Variants in CAB39 observed in about 807,000 individuals in gnomAD.
CAB39 encodes calcium-binding protein 39.
Under a neutral mutation model 40.0 loss-of-function variants are expected in CAB39, and 8 were observed. The ratio of observed to expected loss-of-function variants is 0.20; its 90% CI spans 0.12 to 0.36. CAB39 has a LOEUF of 0.36. CAB39 is among the 10% of genes least tolerant of loss of function. The pLI, the probability that CAB39 is intolerant of heterozygous loss-of-function variation, is 1.00. For synonymous variants in CAB39, 156 were observed against 141.6 expected, an observed-to-expected ratio of 1.10 and a Z score of -0.72; for missense variants, 270 against 401.1, an observed-to-expected ratio of 0.67 and a Z score of 2.79.
intron 1 of CAB39, chr2:230,725,194 G>A (rs929036484): frequency 7.6e-5 from 122 of 1,607,874 alleles, no homozygotes; most frequent in Non-Finnish European, 9.4e-5. Context: ...ACTGCTTGGC[G>A]CTGGCGCCAC....
At position 230,810,332 on chromosome 2, in the gene CAB39, T is replaced by G. The variant is rs762201764; in HGVS notation, c.627+10T>G. On this transcript the variant is annotated intron_variant, in intron 6 of 8. Transcript: ENST00000258418. The stretch of plus-strand genomic sequence containing the variant: ...ACAGCATTATGATAGAGTAAGTATA[T>G]GAAATACTATTTTTAAATAATAAAT... 9.6e-7 allele frequency: 1 copy of G among 1,039,166 alleles called. No homozygotes were observed. 64.4% of individuals were successfully genotyped at this position (1,039,166 alleles called of 1,614,324 possible).
At chr2:230,725,424 A>C in intron 1 of CAB39, 5 of 1,575,846 alleles carry the variant, frequency 3.2e-6, no homozygotes, top group Non-Finnish European at 4.4e-6. Context: ...CTTAATCCGC[A>C]ACTTCAGTTC....
intron 7 of CAB39, among the ~76,000 whole-genome samples, chr2:230,816,394 A>AT (rs1696401358): frequency 6.6e-6 from 1 of 152,252 alleles, no homozygotes; most frequent in Admixed American, 6.5e-5. Flanking sequence ...TCTTTGTAAG[A>AT]TACTGGTTGC....
chr2:230,729,986 T>C (rs1440332066), intron 1 of CAB39, among the ~76,000 whole-genome samples: 2 of 152,226 alleles, frequency 1.3e-5, no homozygotes, highest in East Asian at 3.8e-4. Context: ...CAGTGTAGTA[T>C]TGGCCAGAGA....
intron 1 of CAB39, among the ~76,000 whole-genome samples, chr2:230,722,723 T>C (rs984369811): frequency 1.3e-5 from 2 of 152,242 alleles, no homozygotes; most frequent in Non-Finnish European, 2.9e-5. Flanking sequence ...TTATGATGGC[T>C]GAAGTCTCAA....
intron 3 of CAB39, among the ~76,000 whole-genome samples, chr2:230,792,074 A>C (rs954276803): frequency 2.0e-4 from 30 of 152,348 alleles, no homozygotes; most frequent in African/African-American, 7.0e-4. Context: ...GGTATGGTTC[A>C]TAAGTTGAGT....
chr2:230,741,534 C>T (rs913728894), intron 1 of CAB39, among the ~76,000 whole-genome samples: 2 of 152,106 alleles, frequency 1.3e-5, no homozygotes, highest in African/African-American at 2.4e-5. Context: ...AAGATGGAGT[C>T]TCACTTTTTT....
chr2:230,732,157 CT>C (rs1331399411), intron 1 of CAB39, among the ~76,000 whole-genome samples: 1 of 152,038 alleles, frequency 6.6e-6, no homozygotes, highest in East Asian at 1.9e-4. Context: ...TCTTGGCTCA[CT>C]GCAAGCTCCG....
intron 2 of CAB39, among the ~76,000 whole-genome samples, chr2:230,780,665 C>G (rs1227999513): frequency 1.3e-5 from 2 of 152,170 alleles, no homozygotes; most frequent in Non-Finnish European, 2.9e-5. Context: ...AGTGAAGTAC[C>G]CTTTTCATTG....
intron 5 of CAB39, among the ~76,000 whole-genome samples, chr2:230,802,102 G>T (rs1696100475): frequency 6.6e-6 from 1 of 152,064 alleles, no homozygotes. Flanking sequence ...TAAAGAGATG[G>T]TTTCTGCCAC....
intron 2 of CAB39, among the ~76,000 whole-genome samples, chr2:230,790,266 G>A (rs566652460): frequency 1.1e-4 from 16 of 152,076 alleles, no homozygotes; most frequent in Admixed American, 7.2e-4. Context: ...GTCGTTTTAT[G>A]TATCTTATCC....
intron 1 of CAB39, among the ~76,000 whole-genome samples, chr2:230,749,681 T>C (rs371250024): frequency 6.6e-6 from 1 of 152,230 alleles, no homozygotes; most frequent in Admixed American, 6.5e-5. Flanking sequence ...TTTAAATGAC[T>C]TCTGAATGTT....
chr2:230,819,892 T>C lies in CAB39; in HGVS notation c.*1188T>C, dbSNP rs977796528. 2 of 152,654 alleles carry C rather than the reference T, an allele frequency of 1.3e-5. No individual in the cohort carries two copies. Among genetic ancestry groups the C allele is most frequent in the Non-Finnish European group, 2.9e-5 (2 of 68,042 alleles). 9.5% of individuals were successfully genotyped at this position (152,654 alleles called of 1,614,324 possible). On this transcript the variant is annotated 3_prime_UTR_variant, in exon 9 of 9. Transcript: ENST00000258418. ...GAAATCTCTGTAGAGCACCTTTTCT[T>C]TCTTAGACTAAGTAACCCAGTACAA...
chr2:230,722,235 A>G (rs1000838554), intron 1 of CAB39, among the ~76,000 whole-genome samples: 3 of 152,236 alleles, frequency 2.0e-5, no homozygotes, highest in South Asian at 4.1e-4. Flanking sequence ...TAAAATCAGC[A>G]TGCAATTTGA....
chr2:230,756,926 C>T (rs1030346321), intron 1 of CAB39, among the ~76,000 whole-genome samples: 9 of 152,144 alleles, frequency 5.9e-5, no homozygotes, highest in South Asian at 2.1e-4. Context: ...CTCCTGACCT[C>T]GTGATCTGCT....
At chr2:230,757,290 C>T (rs1425024404) in intron 1 of CAB39, among the ~76,000 whole-genome samples, 4 of 151,960 alleles carry the variant, frequency 2.6e-5, no homozygotes, top group South Asian at 2.1e-4. Context: ...GAGACAGGGT[C>T]TCCCTATGTT....
rs2124990600 is a variant in CAB39, at chr2:230,819,731, T to TA, written c.*1028dup. The TA allele has an allele frequency of 6.6e-6, 1 of 152,410 alleles. No individual in the cohort carries two copies. Among genetic ancestry groups the TA allele is most frequent in the East Asian group, 1.9e-4 (1 of 5,196 alleles). 9.4% of individuals were successfully genotyped at this position (152,410 alleles called of 1,614,324 possible). A position where few individuals can be genotyped will look rare whatever the true frequency, so the allele number is the denominator to read the frequency against. ...ATGGGGTGCCATCAATAAGCTGCGA[T>TA]ACAGCCCTGGAGCTCAGTCAGCCAC... On this transcript the variant is annotated 3_prime_UTR_variant, in exon 9 of 9. Coordinates refer to ENST00000258418, the MANE Select transcript of CAB39 (RefSeq NM_016289.4).
intron 5 of CAB39, among the ~76,000 whole-genome samples, chr2:230,805,509 G>A (rs116607363): frequency 0.011 from 1,741 of 152,282 alleles, 41 homozygotes; most frequent in African/African-American, 0.038. Context: ...CATAGGTACT[G>A]GTGGATTGGG....
intron 2 of CAB39, among the ~76,000 whole-genome samples, chr2:230,783,109 G>C (rs569248569): frequency 5.4e-4 from 82 of 152,268 alleles, no homozygotes; most frequent in Non-Finnish European, 9.8e-4. Flanking sequence ...TTACAGGCGT[G>C]AGCCACTGCG....
Sources: gnomAD v4.1 joint callset for allele counts (sites outside exome capture counted in the v4.1 genomes callset) on GRCh38, gnomAD v4.1.1 for gene constraint, MANE v1.5 for transcripts, NCBI Gene and HGNC (gene_info 2026-07-23, HGNC 2026-07-21) for gene names.